The following SUCLG2 variants were observed in gnomAD, a reference collection of about 807,000 sequenced individuals.
SUCLG2 encodes succinate-CoA ligase GDP-forming subunit beta, also known as succinate--CoA ligase [GDP-forming] subunit beta, mitochondrial.
Under a neutral mutation model 47.9 loss-of-function variants are expected in SUCLG2, and 42 were observed. That is an observed-to-expected ratio of 0.88 (90% CI 0.69 to 1.14). SUCLG2 has a LOEUF of 1.14. Ranked by LOEUF, SUCLG2 falls within the 50% of genes most tolerant of loss-of-function variation. The pLI is 0.00. For synonymous variants in SUCLG2, 195 were observed against 197.3 expected, an observed-to-expected ratio of 0.99 and a Z score of 0.10; for missense variants, 571 against 525.9, an observed-to-expected ratio of 1.09 and a Z score of -0.84.
At chr3:67,521,950 A>G (rs1706120663) in intron 4 of SUCLG2, among the ~76,000 whole-genome samples, 1 of 151,968 alleles carries the variant, frequency 6.6e-6, no homozygotes, top group African/African-American at 2.4e-5. Flanking sequence ...TACAACTTAA[A>G]TATCTTTCTA....
chr3:67,609,115 A>G (rs1332753396), intron 2 of SUCLG2, among the ~76,000 whole-genome samples: 1 of 152,214 alleles, frequency 6.6e-6, no homozygotes, highest in Non-Finnish European at 1.5e-5. Context: ...TAGGTGTGCC[A>G]GGGAAGAAAG....
At chr3:67,617,994 T>C (rs191492742) in intron 1 of SUCLG2, among the ~76,000 whole-genome samples, 8 of 152,362 alleles carry the variant, frequency 5.3e-5, no homozygotes, top group Non-Finnish European at 1.0e-4. Context: ...TTGTTTTAAA[T>C]ACATTTGTAG....
At chr3:67,615,461 CTT>C (rs1474219966) in intron 1 of SUCLG2, among the ~76,000 whole-genome samples, 1 of 152,140 alleles carries the variant, frequency 6.6e-6, no homozygotes, top group African/African-American at 2.4e-5. Context: ...TTCAGCTCGA[CTT>C]TGCACACTAG....
chr3:67,526,598 T>C (rs1286758243), intron 4 of SUCLG2, among the ~76,000 whole-genome samples: 1 of 152,144 alleles, frequency 6.6e-6, no homozygotes, highest in Non-Finnish European at 1.5e-5. Flanking sequence ...CATGAAAAGA[T>C]GTTCAACATC....
chr3:67,562,331 G>A (rs1427578269), intron 2 of SUCLG2, among the ~76,000 whole-genome samples: 1 of 151,848 alleles, frequency 6.6e-6, no homozygotes, highest in African/African-American at 2.4e-5. Flanking sequence ...AGGCTGGAGT[G>A]CAGCAGTGCC....
intron 10 of SUCLG2, among the ~76,000 whole-genome samples, chr3:67,380,039 CA>C (rs1338459556): frequency 1.3e-5 from 2 of 152,200 alleles, no homozygotes; most frequent in African/African-American, 4.8e-5. Flanking sequence ...TTCCCACATA[CA>C]AAGTGTGCTT....
At chr3:67,388,826 A>G (rs908657238) in intron 10 of SUCLG2, among the ~76,000 whole-genome samples, 2 of 152,304 alleles carry the variant, frequency 1.3e-5, no homozygotes, top group South Asian at 2.1e-4. Context: ...TTAGCAAAGA[A>G]GTAGTATAAA....
chr3:67,442,059 G>T, intron 9 of SUCLG2, among the ~76,000 whole-genome samples: 1 of 143,480 alleles, frequency 7.0e-6, no homozygotes, highest in East Asian at 2.0e-4. Context: ...CGCCCAGGCT[G>T]GAGTGCAGTG....
At chr3:67,452,136 A>G (rs1340278874) in intron 9 of SUCLG2, among the ~76,000 whole-genome samples, 1 of 152,204 alleles carries the variant, frequency 6.6e-6, no homozygotes, top group Non-Finnish European at 1.5e-5. Flanking sequence ...ATACAAATAC[A>G]AATAAAAAAC....
intron 5 of SUCLG2, among the ~76,000 whole-genome samples, chr3:67,519,059 T>C (rs935832843): frequency 3.9e-5 from 6 of 152,074 alleles, no homozygotes; most frequent in Admixed American, 1.3e-4. Context: ...TGTTATAAGG[T>C]TGAGAAAAAA....
intron 4 of SUCLG2, among the ~76,000 whole-genome samples, chr3:67,524,248 T>C (rs866043915): frequency 2.6e-5 from 4 of 152,222 alleles, no homozygotes; most frequent in Admixed American, 6.5e-5. Flanking sequence ...AAAGAATATG[T>C]TGACACATCG....
At chr3:67,622,018 T>C (rs1700744924) in intron 1 of SUCLG2, among the ~76,000 whole-genome samples, 2 of 152,308 alleles carry the variant, frequency 1.3e-5, no homozygotes, top group Middle Eastern at 3.4e-3. Context: ...CAGGCTACAG[T>C]ACCTCTATCT....
At chr3:67,442,290 G>A (rs568107117) in intron 9 of SUCLG2, among the ~76,000 whole-genome samples, 7 of 152,170 alleles carry the variant, frequency 4.6e-5, no homozygotes, top group African/African-American at 1.4e-4. Context: ...GATTACAGGC[G>A]TGAGCCACCG....
chr3:67,427,526 G>T (rs1456550102), intron 9 of SUCLG2, among the ~76,000 whole-genome samples: 1 of 152,126 alleles, frequency 6.6e-6, no homozygotes, highest in African/African-American at 2.4e-5. Flanking sequence ...TTCCAAGATG[G>T]CCGAATAGGA....
intron 9 of SUCLG2, among the ~76,000 whole-genome samples, chr3:67,433,731 G>A (rs1475467900): frequency 1.3e-5 from 2 of 151,504 alleles, no homozygotes; most frequent in Non-Finnish European, 2.9e-5. Context: ...GACATTGGGT[G>A]AATTAAATTT....
chr3:67,627,407 AATT>A (rs1467101566), intron 1 of SUCLG2, among the ~76,000 whole-genome samples: 1 of 152,222 alleles, frequency 6.6e-6, no homozygotes, highest in Non-Finnish European at 1.5e-5. Flanking sequence ...GATATTTCAC[AATT>A]ATTTTCTCAT....
chr3:67,436,582 TG>T (rs1703629344), intron 9 of SUCLG2, among the ~76,000 whole-genome samples: 1 of 152,228 alleles, frequency 6.6e-6, no homozygotes, highest in Admixed American at 6.5e-5. Flanking sequence ...TAGTCAAGTC[TG>T]TTGCCTGGAT....
chr3:67,653,812 G>T (rs2107393594), intron 1 of SUCLG2, among the ~76,000 whole-genome samples: 1 of 152,308 alleles, frequency 6.6e-6, no homozygotes, highest in Non-Finnish European at 1.5e-5. Context: ...TAGAGGCCAA[G>T]TTCCAATCGC....
chr3:67,360,496 G>T, exon 11 of SUCLG2: 1 of 922,572 alleles, frequency 1.1e-6, no homozygotes, highest in Non-Finnish European at 1.6e-6. Context: ...TGAATGAACA[G>T]CTATAAGCCA....
Sources: gnomAD v4.1 joint callset for allele counts (sites outside exome capture counted in the v4.1 genomes callset) on GRCh38, gnomAD v4.1.1 for gene constraint, MANE v1.5 for transcripts, NCBI Gene and HGNC (gene_info 2026-07-23, HGNC 2026-07-21) for gene names.